The following SUGCT variants were observed in gnomAD, a reference collection of about 807,000 sequenced individuals.
SUGCT encodes the protein succinyl-CoA:glutarate CoA-transferase.
A neutral mutation model predicts 55.0 loss-of-function variants in SUGCT; 41 were observed. The ratio of observed to expected loss-of-function variants is 0.74; its 90% confidence interval spans 0.58 to 0.97. SUGCT has a LOEUF of 0.97. Among genes scored for constraint, SUGCT ranks in the 50% least tolerant of loss-of-function variants. The pLI, the probability that SUGCT is intolerant of heterozygous loss-of-function variation, is 0.00. For missense variants in SUGCT, 568 were observed against 547.8 expected (o/e 1.04, Z -0.37); for synonymous variants, 187 against 200.4 (o/e 0.93, Z 0.56).
intron 9 of SUGCT, among the ~76,000 whole-genome samples, chr7:40,398,531 T>C (rs1029794924): frequency 5.5e-5 from 7 of 127,516 alleles, no homozygotes; most frequent in African/African-American, 1.8e-4. Context: ...TTTTTTTTTT[T>C]TCTAATTTTC....
At chr7:40,565,581 A>G (rs1409322722) in intron 12 of SUGCT, among the ~76,000 whole-genome samples, 1 of 152,156 alleles carries the variant, frequency 6.6e-6, no homozygotes, top group Non-Finnish European at 1.5e-5. Flanking sequence ...GGACCACCCT[A>G]GTCATTGAAC....
chr7:40,967,659 C>T, the SUGCT span, among the ~76,000 whole-genome samples: 56 of 150,528 alleles, frequency 3.7e-4, no homozygotes, highest in Non-Finnish European at 5.3e-4. Flanking sequence ...CTTGCTCTGT[C>T]GCCCAGGCTG....
chr7:40,218,982 T>G (rs1168163718), intron 6 of SUGCT, among the ~76,000 whole-genome samples: 2 of 152,096 alleles, frequency 1.3e-5, no homozygotes, highest in Non-Finnish European at 2.9e-5. Context: ...TTTCGCTCCT[T>G]GCAATAAGTC....
At chr7:40,960,291 T>C in the SUGCT span, among the ~76,000 whole-genome samples, 5 of 152,196 alleles carry the variant, frequency 3.3e-5, no homozygotes, top group Non-Finnish European at 7.3e-5. Flanking sequence ...AGTGAAACAA[T>C]GAGAGTTGTT....
intron 12 of SUGCT, among the ~76,000 whole-genome samples, chr7:40,601,531 T>C (rs1798285593): frequency 6.6e-6 from 1 of 152,228 alleles, no homozygotes; most frequent in Non-Finnish European, 1.5e-5. Flanking sequence ...CTTTATGCTG[T>C]GGTTCATTAC....
chr7:40,639,770 C>A (rs886545591), intron 12 of SUGCT, among the ~76,000 whole-genome samples: 5 of 151,902 alleles, frequency 3.3e-5, no homozygotes, highest in African/African-American at 1.2e-4. Flanking sequence ...ACCTCGGCCT[C>A]CCAAAGTGCT....
intron 12 of SUGCT, 24 bp from the exon 13 acceptor site, chr7:40,749,410 T>C (rs777949252): frequency 6.3e-7 from 1 of 1,599,138 alleles, no homozygotes; most frequent in South Asian, 1.1e-5. Context: ...TAAATTATTT[T>C]TCTCTCTGTT....
At chr7:40,813,724 G>C (rs989904650) in intron 13 of SUGCT, among the ~76,000 whole-genome samples, 5 of 152,092 alleles carry the variant, frequency 3.3e-5, no homozygotes, top group African/African-American at 9.7e-5. Context: ...TACATTCTAG[G>C]TTAATATTGA....
At chr7:40,589,516 A>G (rs914790147) in intron 12 of SUGCT, among the ~76,000 whole-genome samples, 4 of 152,152 alleles carry the variant, frequency 2.6e-5, no homozygotes, top group East Asian at 1.9e-4. Context: ...AGCCCTTTTT[A>G]TAGTGGCTTT....
At chr7:40,723,619 G>A (rs1786463780) in intron 12 of SUGCT, among the ~76,000 whole-genome samples, 2 of 152,036 alleles carry the variant, frequency 1.3e-5, no homozygotes, top group South Asian at 4.1e-4. Context: ...TCCTTCTAAT[G>A]GACTCCTACT....
At chr7:40,895,518 T>C in the SUGCT span, among the ~76,000 whole-genome samples, 1 of 152,120 alleles carries the variant, frequency 6.6e-6, no homozygotes, top group South Asian at 2.1e-4. Flanking sequence ...GATTTATCCG[T>C]GGGATGCAAG....
chr7:40,684,059 G>A (rs779261639), intron 12 of SUGCT: 30 of 1,612,006 alleles, frequency 1.9e-5, no homozygotes, highest in South Asian at 4.4e-5. Flanking sequence ...TCAATAGAAC[G>A]CTGTCTCTGG....
chr7:40,801,884 C>A (rs994377901), intron 13 of SUGCT, among the ~76,000 whole-genome samples: 18 of 151,888 alleles, frequency 1.2e-4, no homozygotes, highest in Non-Finnish European at 2.6e-4. Context: ...GGATGAGGAT[C>A]TGACCCCATA....
the SUGCT span, among the ~76,000 whole-genome samples, chr7:41,029,641 A>G: frequency 6.6e-6 from 1 of 152,244 alleles, no homozygotes; most frequent in Non-Finnish European, 1.5e-5. Context: ...GCTCAGAAGA[A>G]AAGGTACAGA....
At chr7:40,985,457 G>T in the SUGCT span, among the ~76,000 whole-genome samples, 2 of 152,182 alleles carry the variant, frequency 1.3e-5, no homozygotes, top group Non-Finnish European at 2.9e-5. Flanking sequence ...TGATCAGGAA[G>T]AAGGGAACCA....
chr7:40,336,402 A>G lies in SUGCT; in HGVS notation c.816+19547A>G, dbSNP rs564948818. On this transcript the variant is annotated intron_variant, in intron 9 of 13. Coordinates refer to ENST00000335693, the MANE Select transcript of SUGCT (RefSeq NM_001193313.2). ...CTGGACATTTTTTGGTTGATAGGCTATTAATTATTGCCTCAATTTCAGAGC... is the reference window on the plus strand; with the variant it reads ...CTGGACATTTTTTGGTTGATAGGCTGTTAATTATTGCCTCAATTTCAGAGC... 1.3e-4 allele frequency among the ~76,000 whole-genome samples: 20 copies of G among 152,276 alleles called. No individual in the cohort carries two copies. In the East Asian group the frequency reaches 3.7e-3, roughly 28 times the overall value.
the SUGCT span, among the ~76,000 whole-genome samples, chr7:40,881,557 C>T: frequency 1.3e-5 from 2 of 152,188 alleles, no homozygotes; most frequent in African/African-American, 4.8e-5. Flanking sequence ...ATTGTTTTGG[C>T]TGGGAGATGG....
intron 9 of SUGCT, among the ~76,000 whole-genome samples, chr7:40,370,136 A>G (rs1312339178): frequency 6.6e-6 from 1 of 152,202 alleles, no homozygotes; most frequent in Non-Finnish European, 1.5e-5. Context: ...TGCCAGGGTC[A>G]GTTCTCACTG....
In SUGCT at chr7:40,182,025, C is replaced by G. The variant is rs754987090; in HGVS notation, c.223C>G (p.Pro75Ala). 1.0e-5 allele frequency: 16 copies of G among 1,573,376 alleles called. No homozygotes were observed. Among genetic ancestry groups the G allele is most frequent in the Middle Eastern group, 1.8e-4 (1 of 5,598 alleles). ...LGAEVIKVERPGAGDDTRTWG... is the reference protein window; with the variant it reads ...LGAEVIKVERAGAGDDTRTWG... ...AGCAGAAGTTATAAAAGTGGAGAGA[C>G]CAGGTAAAGCTATTACTCCCTTTAA... The change falls in exon 3 of 14, where the codon CCA (proline) becomes GCA (alanine). Residue 75 changes from proline (P) to alanine (A), a missense_variant. Transcript: ENST00000335693.
Sources: allele counts gnomAD v4.1 joint callset (sites outside exome capture counted in the v4.1 genomes callset), GRCh38; gene constraint gnomAD v4.1.1; transcripts MANE v1.5; gene names NCBI Gene and HGNC (gene_info 2026-07-23, HGNC 2026-07-21).